LINGO2: variants seen among roughly 807,000 people sequenced by gnomAD.
The protein encoded by LINGO2 is leucine rich repeat and Ig domain containing 2, also known as leucine-rich repeat and immunoglobulin-like domain-containing nogo receptor-interacting protein 2.
Under a neutral mutation model 30.6 loss-of-function variants are expected in LINGO2, and 14 were observed. The observed-to-expected ratio is 0.46, with a 90% confidence interval of 0.30 to 0.72. The LOEUF (loss-of-function observed/expected upper bound fraction) is 0.72. Ranked by LOEUF, LINGO2 falls within the 30% of genes least tolerant of loss-of-function variation. The probability of loss-of-function intolerance (pLI) is 0.07; values close to 1 mark genes in which losing one functional copy is unlikely to be tolerated. For synonymous variants in LINGO2, 317 were observed against 288.5 expected (o/e 1.10, Z -1.00); for missense variants, 729 against 751.7 (o/e 0.97, Z 0.35).
chr9:28,924,975 AG>A, the LINGO2 span, among the ~76,000 whole-genome samples: 1 of 152,008 alleles, frequency 6.6e-6, no homozygotes, highest in Non-Finnish European at 1.5e-5. Context: ...CTTCACTTTC[AG>A]TCTATGTTTG....
the LINGO2 span, among the ~76,000 whole-genome samples, chr9:28,984,974 G>C: frequency 3.3e-5 from 5 of 151,886 alleles, no homozygotes; most frequent in Admixed American, 1.3e-4. Flanking sequence ...ACCCACCTTA[G>C]ACCTCCTGTC....
chr9:28,574,375 A>G (rs1823851548), intron 1 of LINGO2, among the ~76,000 whole-genome samples: 1 of 152,184 alleles, frequency 6.6e-6, no homozygotes, highest in Non-Finnish European at 1.5e-5. Flanking sequence ...ACCACTTCAA[A>G]TCTCAGCCAT....
chr9:28,958,454 T>A, the LINGO2 span, among the ~76,000 whole-genome samples: 1 of 152,190 alleles, frequency 6.6e-6, no homozygotes, highest in Admixed American at 6.5e-5. Context: ...AGAGGTAGTC[T>A]AAAAAGATTC....
intron 4 of LINGO2, among the ~76,000 whole-genome samples, chr9:28,051,720 G>T (rs1309429148): frequency 6.6e-6 from 1 of 151,960 alleles, no homozygotes; most frequent in Non-Finnish European, 1.5e-5. Flanking sequence ...ACATAGTTTT[G>T]TTCTATTTTA....
At chr9:28,809,268 T>A in the LINGO2 span, among the ~76,000 whole-genome samples, 33 of 152,200 alleles carry the variant, frequency 2.2e-4, no homozygotes, top group Non-Finnish European at 4.3e-4. Context: ...AAGGAACAAA[T>A]GGTCGATTAT....
Position 28,147,593 on chromosome 9 carries a change from C to T in LINGO2, c.-86-135188G>A, listed in dbSNP as rs1304787679. ...GGTTCTGGCCCTGTAACCCGGGGGA[C>T]AGGGCCGGCCAAGACAGGGCCACTG... On this transcript the variant is annotated intron_variant, in intron 4 of 5. Transcript: ENST00000379992. This position sits in a 1 kb window ranked among gnomAD's most constrained non-coding sequence, Gnocchi z 4.7. Among the ~76,000 whole-genome samples the T allele has an allele frequency of 6.6e-6, 1 of 152,206 alleles. No individual in the cohort carries two copies. Among genetic ancestry groups the T allele is most frequent in the Non-Finnish European group, 1.5e-5 (1 of 68,004 alleles).
rs55645356 is a variant in LINGO2 at position 28,510,682 on chromosome 9, ATGTGTG to A, written c.-364-34663_-364-34658del. The stretch of plus-strand genomic sequence containing the variant: ...TTGTTCTAGTGTCAACTGTATATAT[ATGTGTG>A]TGTGTGTGTGTGTGTGTGTGTACAC... On this transcript the variant is annotated intron_variant, in intron 1 of 5. Coordinates refer to ENST00000379992, the Ensembl canonical transcript of LINGO2. 9.4e-3 allele frequency among the ~76,000 whole-genome samples: 1,416 copies of A among 150,158 alleles called. 29 individuals are homozygous for A. Among genetic ancestry groups the A allele is most frequent in the African/African-American group, 0.03 (1,243 of 40,942 alleles).
chr9:28,099,907 T>G (rs539043078), intron 4 of LINGO2, among the ~76,000 whole-genome samples: 1 of 152,296 alleles, frequency 6.6e-6, no homozygotes, highest in East Asian at 1.9e-4. Context: ...GAATGTTCTT[T>G]CACTCAGTTG....
intron 1 of LINGO2, among the ~76,000 whole-genome samples, chr9:28,522,297 G>A (rs537216439): frequency 6.6e-6 from 1 of 152,226 alleles, no homozygotes; most frequent in South Asian, 2.1e-4. Flanking sequence ...GGGCAACAAA[G>A]AAATAAATCA....
At chr9:28,590,823 A>T (rs2135705109) in intron 1 of LINGO2, among the ~76,000 whole-genome samples, 1 of 152,278 alleles carries the variant, frequency 6.6e-6, no homozygotes, top group African/African-American at 2.4e-5. Context: ...TACCCAAAGG[A>T]TTATAAATCA....
the LINGO2 span, among the ~76,000 whole-genome samples, chr9:28,695,194 T>C: frequency 3.9e-5 from 6 of 152,000 alleles, no homozygotes; most frequent in South Asian, 4.1e-4. Flanking sequence ...ATTTAAAAGA[T>C]GGCATTGAAT....
intron 4 of LINGO2, among the ~76,000 whole-genome samples, chr9:28,146,621 C>A (rs375202937): frequency 6.6e-6 from 1 of 151,586 alleles, no homozygotes; most frequent in Non-Finnish European, 1.5e-5. Context: ...GGTTTCAATT[C>A]TCCAATAACA....
At chr9:28,229,343 T>C (rs754681659) in intron 4 of LINGO2, among the ~76,000 whole-genome samples, 2 of 151,714 alleles carry the variant, frequency 1.3e-5, no homozygotes, top group Non-Finnish European at 3.0e-5. Context: ...TATGTTGATA[T>C]AGACAATTAA....
At chr9:28,386,003 C>A in intron 2 of LINGO2, among the ~76,000 whole-genome samples, 1 of 152,136 alleles carries the variant, frequency 6.6e-6, no homozygotes, top group East Asian at 1.9e-4. Context: ...AGATAATTGC[C>A]TTTGAGAGGA....
At chr9:28,390,994 T>A (rs1171131338) in intron 2 of LINGO2, among the ~76,000 whole-genome samples, 3 of 152,198 alleles carry the variant, frequency 2.0e-5, no homozygotes, top group South Asian at 2.1e-4. Context: ...TGTTTGCATG[T>A]ACTGATCCAA....
At chr9:27,964,252 T>A (rs1259126646) in intron 5 of LINGO2, among the ~76,000 whole-genome samples, 3 of 152,154 alleles carry the variant, frequency 2.0e-5, no homozygotes, top group Admixed American at 2.0e-4. Flanking sequence ...TTATAACATA[T>A]TTTTTTCTAA....
At chr9:28,790,943 C>G in the LINGO2 span, among the ~76,000 whole-genome samples, 1 of 152,100 alleles carries the variant, frequency 6.6e-6, no homozygotes, top group African/African-American at 2.4e-5. Flanking sequence ...AATGTACATA[C>G]ACACTACCAT....
At chr9:28,038,692 C>CAA (rs35216202) in intron 4 of LINGO2, among the ~76,000 whole-genome samples, 3,096 of 118,764 alleles carry the variant, frequency 0.026, 53 homozygotes, top group Middle Eastern at 0.045. Context: ...GACTCCGTCT[C>CAA]AAAAAAAAAA....
chr9:28,398,533 C>A (rs1822141130), intron 2 of LINGO2, among the ~76,000 whole-genome samples: 2 of 151,912 alleles, frequency 1.3e-5, no homozygotes, highest in East Asian at 3.9e-4. Flanking sequence ...GGATTAAAAT[C>A]CATTCAGAAA....
Sources: allele counts gnomAD v4.1 joint callset (sites outside exome capture counted in the v4.1 genomes callset), GRCh38; gene constraint gnomAD v4.1.1; non-coding constraint Gnocchi (gnomAD v3.1); transcripts MANE v1.5; gene names NCBI Gene and HGNC (gene_info 2026-07-23, HGNC 2026-07-21).